The following RIN2 variants were observed in gnomAD, a reference collection of about 807,000 sequenced individuals.
RIN2 encodes Ras and Rab interactor 2, also known as RAB5 interacting protein 2.
A neutral mutation model predicts 78.0 loss-of-function variants in RIN2; 36 were observed. That is an observed-to-expected ratio of 0.46 (90% confidence interval 0.35 to 0.61). The LOEUF is 0.61. RIN2 is among the 20% of genes least tolerant of loss of function. RIN2 has a pLI of 0.00. For missense variants in RIN2, 1,087 were observed against 1,159.7 expected, an observed-to-expected ratio of 0.94 and a Z score of 0.91; for synonymous variants, 466 against 466.8, an observed-to-expected ratio of 1.00 and a Z score of 0.02.
intron 2 of RIN2, among the ~76,000 whole-genome samples, chr20:19,810,138 C>G (rs1046229479): frequency 6.6e-6 from 1 of 152,138 alleles, no homozygotes; most frequent in East Asian, 1.9e-4. Context: ...GTGGCTCACA[C>G]CTGTAATGCC....
At chr20:19,962,277 C>G (rs1307827352) in intron 6 of RIN2, among the ~76,000 whole-genome samples, 2 of 151,644 alleles carry the variant, frequency 1.3e-5, no homozygotes, top group African/African-American at 2.4e-5. Flanking sequence ...CAGAGCCAGA[C>G]CGTGTCTTAA....
At chr20:19,932,325 T>C (rs2040472909) in intron 3 of RIN2, among the ~76,000 whole-genome samples, 1 of 152,220 alleles carries the variant, frequency 6.6e-6, no homozygotes, top group African/African-American at 2.4e-5. Context: ...ACTTTCCAGC[T>C]TCCAGAACCA....
chr20:19,990,343 G>A lies in RIN2; in HGVS notation c.2068+32G>A, dbSNP rs138759147. 5.6e-3 allele frequency: 8,905 copies of A among 1,579,708 alleles called. 472 individuals are homozygous for A. The Admixed American group carries it at 0.11, about 19-fold the overall frequency. On this transcript the variant is annotated intron_variant, in intron 10 of 12. Coordinates refer to ENST00000255006, the MANE Select transcript of RIN2 (RefSeq NM_018993.4). ...CCGCTGGAAGCCCAGGCTTCGTGCC[G>A]CTTCCCTTCCGGGCCGGGGACAGGC...
chr20:19,985,541 ATTT>A (rs1197456214), intron 9 of RIN2, among the ~76,000 whole-genome samples: 1 of 152,116 alleles, frequency 6.6e-6, no homozygotes. Flanking sequence ...GGTTCAAACG[ATTT>A]TTTACTATTT....
Position 19,889,624 on chromosome 20 carries a change from C to T in RIN2, c.23C>T (p.Ala8Val), listed in dbSNP as rs755976812. The change falls in exon 3 of 13, where the codon GCC becomes GTC. Residue 8 changes from alanine (A) to valine (V), a missense_variant. Transcript: ENST00000255006. ...GAAATGACAGCTTGGACCATGGGCG[C>T]CCGCGGTCTGGACAAGCGAGGAAGT... MTAWTMG[A>V]RGLDKRGSFF... 1.9e-6 allele frequency: 3 copies of T among 1,548,736 alleles called. No homozygotes were observed. Among genetic ancestry groups the T allele is most frequent in the East Asian group, 2.4e-5 (1 of 41,042 alleles).
At chr20:19,871,474 G>A (rs2037686384) in intron 2 of RIN2, among the ~76,000 whole-genome samples, 1 of 152,170 alleles carries the variant, frequency 6.6e-6, no homozygotes, top group African/African-American at 2.4e-5. Flanking sequence ...CTAAAATGAG[G>A]GAGCAGGGTT....
chr20:19,886,100 G>C (rs758688898), intron 2 of RIN2, among the ~76,000 whole-genome samples: 2 of 152,210 alleles, frequency 1.3e-5, no homozygotes, highest in Non-Finnish European at 2.9e-5. Context: ...CCTGTGGCCC[G>C]GCGCAGCAAA....
chr20:19,886,753 G>A (rs1245189414), intron 2 of RIN2: 4 of 1,541,560 alleles, frequency 2.6e-6, no homozygotes, highest in Non-Finnish European at 2.6e-6. Flanking sequence ...TACAAGTCTG[G>A]AGGAATTTCA....
At chr20:19,980,044 CA>C (rs56268489) in intron 9 of RIN2, among the ~76,000 whole-genome samples, 16,193 of 72,126 alleles carry the variant, frequency 0.22, 951 homozygotes, top group East Asian at 0.42. Context: ...AACTCCATCT[CA>C]AAAAAAAAAA....
intron 1 of RIN2, among the ~76,000 whole-genome samples, chr20:19,787,478 G>A (rs1170826885): frequency 2.6e-5 from 4 of 151,158 alleles, no homozygotes; most frequent in Admixed American, 6.6e-5. Flanking sequence ...CCTCAAATGC[G>A]GGGCTAGAGG....
At chr20:19,796,900 G>A (rs2035074751) in intron 1 of RIN2, among the ~76,000 whole-genome samples, 1 of 152,206 alleles carries the variant, frequency 6.6e-6, no homozygotes, top group Admixed American at 6.5e-5. Flanking sequence ...GTATGAAGAT[G>A]GTCAGGGGAG....
At chr20:19,996,595 A>G in intron 11 of RIN2, 84 bp from the exon 12 acceptor site, 1 of 1,373,268 alleles carries the variant, frequency 7.3e-7, no homozygotes, top group Non-Finnish European at 1.0e-6. Context: ...AATACAAAAC[A>G]TGCCTTCTAA....
At chr20:19,844,593 G>GCTGCTT (rs1568806843) in intron 2 of RIN2, among the ~76,000 whole-genome samples, 13 of 64,066 alleles carry the variant, frequency 2.0e-4, no homozygotes, top group African/African-American at 6.2e-4. Flanking sequence ...TGCTGCTGCT[G>GCTGCTT]CTTCTTCCTC....
At chr20:19,911,007 T>C (rs777340281) in intron 3 of RIN2, among the ~76,000 whole-genome samples, 2 of 152,172 alleles carry the variant, frequency 1.3e-5, no homozygotes, top group Non-Finnish European at 2.9e-5. Flanking sequence ...TGTCATTCTC[T>C]TTCTACACAC....
intron 3 of RIN2, among the ~76,000 whole-genome samples, chr20:19,927,933 CACTCT>C (rs2040291912): frequency 6.6e-6 from 1 of 152,134 alleles, no homozygotes; most frequent in Non-Finnish European, 1.5e-5. Context: ...GATGGAGTCT[CACTCT>C]GTAGCCCAGG....
intron 3 of RIN2, among the ~76,000 whole-genome samples, chr20:19,908,074 G>A (rs1434233400): frequency 3.9e-5 from 6 of 152,140 alleles, no homozygotes; most frequent in Non-Finnish European, 8.8e-5. Flanking sequence ...ATTGACCTCT[G>A]AGCCTTCACC....
chr20:19,853,315 C>T (rs1471745652), intron 2 of RIN2, among the ~76,000 whole-genome samples: 2 of 152,076 alleles, frequency 1.3e-5, no homozygotes, highest in Non-Finnish European at 2.9e-5. Flanking sequence ...CAAGTCTTTG[C>T]TATTGTGAAT....
intron 4 of RIN2, among the ~76,000 whole-genome samples, chr20:19,949,541 A>G (rs747371687): frequency 2.0e-5 from 3 of 152,228 alleles, no homozygotes; most frequent in Non-Finnish European, 4.4e-5. Context: ...GGTTTCTTAT[A>G]TCTAGAAAGT....
chr20:19,936,515 C>T (rs1489200734), intron 4 of RIN2, among the ~76,000 whole-genome samples: 1 of 152,126 alleles, frequency 6.6e-6, no homozygotes, highest in Non-Finnish European at 1.5e-5. Context: ...CTTTCATAGC[C>T]AGGAAAGGCG....
Sources: allele counts gnomAD v4.1 joint callset (sites outside exome capture counted in the v4.1 genomes callset), GRCh38; gene constraint gnomAD v4.1.1; transcripts MANE v1.5; gene names NCBI Gene and HGNC (gene_info 2026-07-23, HGNC 2026-07-21).